Variants in RYR2 observed in about 807,000 individuals in gnomAD.
RYR2 encodes ryanodine receptor 2, also known as cardiac muscle ryanodine receptor-calcium release channel.
A neutral mutation model predicts 601.1 loss-of-function variants in RYR2; 227 were observed. That is an observed-to-expected ratio of 0.38 (90% CI 0.34 to 0.42). The LOEUF is 0.42. RYR2 is among the 10% of genes least tolerant of loss of function. The pLI is 1.00. For missense variants in RYR2, 4,646 were observed against 6,156.5 expected, an observed-to-expected ratio of 0.75 and a Z score of 8.21; for synonymous variants, 2,223 against 2,175.1, an observed-to-expected ratio of 1.02 and a Z score of -0.61.
chr1:237,137,501 A>G (rs942649883), intron 1 of RYR2, among the ~76,000 whole-genome samples: 7 of 152,234 alleles, frequency 4.6e-5, no homozygotes, highest in African/African-American at 1.4e-4. Context: ...TTTAGACTTG[A>G]CAAGAATGTC....
In RYR2 at chr1:237,819,128, T is replaced by C. The variant is rs1322861847; in HGVS notation, c.14526T>C (p.Tyr4842=). 1 of 1,613,626 alleles carries C rather than the reference T, an allele frequency of 6.2e-7. No homozygotes were observed. Among genetic ancestry groups the C allele is most frequent in the East Asian group, 2.2e-5 (1 of 44,878 alleles). ...EDPAGDEYEI[Y]RIIFDITFFF... ...CAGCAGGAGATGAATATGAGATCTATCGAATCATCTTTGACATCACTTTCT... is the reference window on the plus strand; with the variant it reads ...CAGCAGGAGATGAATATGAGATCTACCGAATCATCTTTGACATCACTTTCT... The change falls in exon 101 of 105, where the codon TAT becomes TAC. Residue 4842 remains tyrosine (Y), a synonymous_variant. Transcript: ENST00000366574. This position sits in a 1 kb window ranked among gnomAD's most constrained non-coding sequence, Gnocchi z 4.0.
At position 237,323,298 on chromosome 1, in the gene RYR2, A is replaced by G. The variant is rs551923262; in HGVS notation, c.169-7580A>G. ...TTTGCATATATGACTTTCAAGATAC[A>G]TAGTATCTTGAGGCTCAATTCATAG... On this transcript the variant is annotated intron_variant, in intron 2 of 104. Transcript: ENST00000366574. Among the ~76,000 whole-genome samples, 262 of 152,242 alleles carry G rather than the reference A, an allele frequency of 1.7e-3. 1 individual carries two copies. The highest frequency in any genetic ancestry group is 6.0e-3 in the African/African-American group (250 of 41,560).
intron 1 of RYR2, among the ~76,000 whole-genome samples, chr1:237,165,843 T>TA (rs372214629): frequency 2.7e-5 from 4 of 150,846 alleles, no homozygotes; most frequent in Admixed American, 6.6e-5. Flanking sequence ...TCTCAGAAAG[T>TA]AAAAAAAAAT....
chr1:237,513,368 C>G (rs2618716), intron 24 of RYR2, among the ~76,000 whole-genome samples: 107,050 of 152,114 alleles, frequency 0.7, 37,944 homozygotes, highest in African/African-American at 0.8. Flanking sequence ...GTACAAAACT[C>G]TAGTCCTTTT....
At chr1:237,552,032 AT>A (rs1670454417) in intron 27 of RYR2, among the ~76,000 whole-genome samples, 2 of 152,172 alleles carry the variant, frequency 1.3e-5, no homozygotes, top group Admixed American at 1.3e-4. Flanking sequence ...CAGTTACTGG[AT>A]TCTTATATTT....
chr1:237,244,743 CT>C (rs1686610727), intron 1 of RYR2, among the ~76,000 whole-genome samples: 11 of 152,084 alleles, frequency 7.2e-5, no homozygotes, highest in Admixed American at 7.2e-4. Context: ...TCCTAAACTC[CT>C]CCTGTATGTC....
At chr1:237,713,460 G>A (rs889495176) in intron 71 of RYR2, among the ~76,000 whole-genome samples, 4 of 152,000 alleles carry the variant, frequency 2.6e-5, no homozygotes, top group Non-Finnish European at 4.4e-5. Flanking sequence ...GCAGTGGTGC[G>A]ATCTCGGCTC....
intron 54 of RYR2, among the ~76,000 whole-genome samples, chr1:237,659,646 C>T (rs1403748914): frequency 6.6e-6 from 1 of 152,162 alleles, no homozygotes; most frequent in Non-Finnish European, 1.5e-5. Flanking sequence ...TGTGGGAATG[C>T]TTATTGGCAC....
chr1:237,568,782 C>T (rs2779404), intron 28 of RYR2, among the ~76,000 whole-genome samples: 53,106 of 151,922 alleles, frequency 0.35, 10,909 homozygotes, highest in Admixed American at 0.46. Context: ...AAAAACAAAC[C>T]GTATTCTGGG....
At chr1:237,123,035 CT>C (rs767229784) in intron 1 of RYR2, among the ~76,000 whole-genome samples, 58 of 152,174 alleles carry the variant, frequency 3.8e-4, no homozygotes, top group Non-Finnish European at 5.6e-4. Flanking sequence ...TATTATGCAA[CT>C]GCTAAACACT....
At chr1:237,763,557 C>T (rs1170120418) in intron 84 of RYR2, among the ~76,000 whole-genome samples, 3 of 152,170 alleles carry the variant, frequency 2.0e-5, no homozygotes, top group Non-Finnish European at 4.4e-5. Context: ...ACTATTTGCT[C>T]CTCAAACTAA....
intron 34 of RYR2, among the ~76,000 whole-genome samples, chr1:237,601,482 A>C (rs1021134728): frequency 1.3e-5 from 2 of 152,150 alleles, no homozygotes; most frequent in African/African-American, 4.8e-5. Flanking sequence ...GTATAGAGTT[A>C]ACATTAGAAA....
intron 12 of RYR2, among the ~76,000 whole-genome samples, chr1:237,426,881 A>C (rs546974343): frequency 6.6e-6 from 1 of 152,280 alleles, no homozygotes; most frequent in East Asian, 1.9e-4. Flanking sequence ...AAGACTTTAT[A>C]GAAAAACTAA....
chr1:237,473,427 CTCTCTCTT>C (rs1025896576), intron 17 of RYR2, among the ~76,000 whole-genome samples: 4 of 102,530 alleles, frequency 3.9e-5, no homozygotes, highest in African/African-American at 2.2e-4. Flanking sequence ...CCATCTCTCT[CTCTCTCTT>C]TCTTTCTTTC....
chr1:237,782,561 CT>C (rs1233481864), intron 89 of RYR2, among the ~76,000 whole-genome samples: 2 of 152,262 alleles, frequency 1.3e-5, no homozygotes, highest in East Asian at 3.9e-4. Context: ...GCTTAAAGCC[CT>C]TAGTCGGTGG....
At chr1:237,381,357 A>G (rs959076980) in intron 8 of RYR2, among the ~76,000 whole-genome samples, 1 of 151,968 alleles carries the variant, frequency 6.6e-6, no homozygotes, top group Non-Finnish European at 1.5e-5. Context: ...ATTATAGGTG[A>G]TATTAACTAA....
chr1:237,281,611 C>T (rs1413665401), intron 2 of RYR2, among the ~76,000 whole-genome samples: 1 of 152,212 alleles, frequency 6.6e-6, no homozygotes, highest in Non-Finnish European at 1.5e-5. Context: ...AAGTGCGTAG[C>T]CAGTTTTTGT....
chr1:237,575,140 C>G (rs534992958), intron 29 of RYR2, among the ~76,000 whole-genome samples: 3 of 152,296 alleles, frequency 2.0e-5, no homozygotes, highest in African/African-American at 7.2e-5. Context: ...CCTCTTCCAA[C>G]AGGAGTGTTT....
intron 8 of RYR2, among the ~76,000 whole-genome samples, chr1:237,382,914 G>GT (rs10676878): frequency 0.05 from 7,011 of 138,976 alleles, 358 homozygotes; most frequent in African/African-American, 0.12. Context: ...ATTTGTTTTT[G>GT]TTTTTTTTTT....
Sources: allele counts gnomAD v4.1 joint callset (sites outside exome capture counted in the v4.1 genomes callset), GRCh38; gene constraint gnomAD v4.1.1; non-coding constraint Gnocchi (gnomAD v3.1); transcripts MANE v1.5; gene names NCBI Gene and HGNC (gene_info 2026-07-23, HGNC 2026-07-21).